Variants in PHGR1 observed in about 807,000 individuals in gnomAD.
PHGR1 encodes the protein proline, histidine and glycine-rich protein 1.
In PHGR1, 3 loss-of-function variants were observed where a neutral mutation model predicts 4.9. The observed-to-expected ratio is 0.61, with a 90% CI of 0.28 to 1.58. The LOEUF is 1.58. Among genes scored for constraint, PHGR1 ranks in the 40% most tolerant of loss-of-function variants. The pLI is 0.11. For synonymous variants in PHGR1, 32 were observed against 46.1 expected (o/e 0.69, Z 1.24); for missense variants, 81 against 118.7 (o/e 0.68, Z 1.48).
chr15:40,355,715 T>C (rs1258087624), intron 3 of PHGR1, among the ~76,000 whole-genome samples: 4 of 152,188 alleles, frequency 2.6e-5, no homozygotes, highest in African/African-American at 9.7e-5. Context: ...GTTCCTAGCA[T>C]GGCAAAGCCT....
chr15:40,354,599 C>T (rs1290473676), intron 3 of PHGR1, among the ~76,000 whole-genome samples: 1 of 152,154 alleles, frequency 6.6e-6, no homozygotes, highest in African/African-American at 2.4e-5. Flanking sequence ...CTCTCCTTTC[C>T]TCACGTCCCC....
intron 3 of PHGR1, among the ~76,000 whole-genome samples, chr15:40,355,107 C>T (rs569725123): frequency 6.6e-6 from 1 of 152,222 alleles, no homozygotes; most frequent in South Asian, 2.1e-4. Flanking sequence ...CCCCGAGTCC[C>T]CTACCACAGA....
intron 1 of PHGR1, among the ~76,000 whole-genome samples, chr15:40,352,426 T>A (rs1889218051): frequency 6.6e-6 from 1 of 152,186 alleles, no homozygotes; most frequent in Non-Finnish European, 1.5e-5. Context: ...GTATGTTCAC[T>A]GGGCCCATTC....
At chr15:40,353,834 G>A (rs117045099) in intron 2 of PHGR1, 2,221 of 182,214 alleles carry the variant, frequency 0.012, 20 homozygotes, top group Non-Finnish European at 0.019. Flanking sequence ...CCAAGTGGGA[G>A]GAGGCATGAG....
rs1555399083 is a variant in PHGR1 at position 40,353,146 on chromosome 15, T to TGCGC, written c.-26-75_-26-72dup. 9.1e-4 allele frequency: 705 copies of TGCGC among 776,082 alleles called. 10 individuals carry two copies. Among genetic ancestry groups the TGCGC allele is most frequent in the African/African-American group, 7.0e-3 (361 of 51,530 alleles). The allele number at this position is 776,082 out of a possible 1,614,324, so 48.1% of individuals were successfully genotyped here. A position where few individuals can be genotyped will look rare whatever the true frequency, so the allele number is the denominator to read the frequency against. On this transcript the variant is annotated intron_variant, in intron 1 of 3. Coordinates refer to ENST00000448599, the MANE Select transcript of PHGR1 (RefSeq NM_001145643.2). ...GTGTGTGTGTGTGTGTGTGTGTGTGTGCGCGCGCGCGCGCATCCGTGGGAG... is the reference window on the plus strand; with the variant it reads ...GTGTGTGTGTGTGTGTGTGTGTGTGTGCGCGCGCGCGCGCGCGCATCCGTGGGAG...
intron 3 of PHGR1, among the ~76,000 whole-genome samples, chr15:40,354,956 G>C (rs1415934998): frequency 3.9e-5 from 6 of 152,154 alleles, no homozygotes; most frequent in Non-Finnish European, 8.8e-5. Flanking sequence ...CATGGTCACA[G>C]GAAAGCGCCC....
chr15:40,353,612 C>G (rs1889243179), intron 2 of PHGR1: 1 of 304,892 alleles, frequency 3.3e-6, no homozygotes, highest in Non-Finnish European at 6.2e-6. Context: ...TTCTTGGGAG[C>G]TGTGCCATCG....
chr15:40,351,729 G>A (rs1454325591), intron 1 of PHGR1, among the ~76,000 whole-genome samples: 1 of 152,020 alleles, frequency 6.6e-6, no homozygotes. Context: ...GTGAGACCTT[G>A]TCTCTACAAA....
intron 3 of PHGR1, 149 bp from the exon 4 acceptor site, chr15:40,355,924 A>G (rs1278128429): frequency 2.5e-6 from 2 of 812,218 alleles, no homozygotes. Context: ...GGCACGGGAC[A>G]TGCTACCCAT....
At position 40,353,517 on chromosome 15, in the gene PHGR1, C is replaced by T. The variant is rs888705341; in HGVS notation, c.10+250C>T. 10 of 510,430 alleles carry T rather than the reference C, an allele frequency of 2.0e-5. No homozygotes were observed. The Admixed American group carries it at 2.3e-4, about 12-fold the overall frequency. The allele number at this position is 510,430 out of a possible 1,614,324, so 31.6% of individuals were successfully genotyped here. On this transcript the variant is annotated intron_variant, in intron 2 of 3. Transcript: ENST00000448599. The stretch of plus-strand genomic sequence containing the variant: ...CTTCTAAGGGTAGGTGCTTCTCCCA[C>T]CGCACACTCAAGGCCCAGGGGAGCT...
Position 40,352,092 on chromosome 15 carries a change from A to T in PHGR1, c.-27+1030A>T, listed in dbSNP as rs190511856. Among the ~76,000 whole-genome samples, 237 of 151,994 alleles carry T rather than the reference A, an allele frequency of 1.6e-3. 1 individual carries two copies. Among genetic ancestry groups the T allele is most frequent in the African/African-American group, 5.6e-3 (231 of 41,440 alleles). Reference sequence around the variant, plus strand: ...GTGGCACATACCTATAGTCCCAGCTACTCCAGAGGTTAAGGTGGGAGGATT... The same window carrying T: ...GTGGCACATACCTATAGTCCCAGCTTCTCCAGAGGTTAAGGTGGGAGGATT... On this transcript the variant is annotated intron_variant, in intron 1 of 3. Transcript: ENST00000448599.
At chr15:40,354,315 G>C (rs763093445) in intron 2 of PHGR1, 30 bp from the exon 3 acceptor site, 2 of 1,463,948 alleles carry the variant, frequency 1.4e-6, no homozygotes, top group Non-Finnish European at 1.8e-6. Flanking sequence ...GACCAAAGCT[G>C]CTTCTTTTTT....
In PHGR1 at chr15:40,353,344, T is replaced by C. The variant is rs1889238745; in HGVS notation, c.10+77T>C. The C allele has an allele frequency of 2.3e-5, 35 of 1,542,924 alleles. No individual in the cohort carries two copies. In the South Asian group the frequency reaches 3.7e-4, roughly 16 times the overall value. On this transcript the variant is annotated intron_variant, in intron 2 of 3. Coordinates refer to ENST00000448599, the MANE Select transcript of PHGR1 (RefSeq NM_001145643.2). ...GAGCGGTAAAGGCAGGGACTATCAG[T>C]CAGCCATAACTAGTGCGTGCCAAAA...
chr15:40,356,165 C>T lies in PHGR1; in HGVS notation c.111C>T (p.His37=), dbSNP rs1889294172. ...HGPGPCGPPP[H]HGPGPCGPPP... ...CAGGGCCCTGCGGGCCACCCCCCCACCATGGTCCAGGGCCCTGCGGGCCAC... is the reference window on the plus strand; with the variant it reads ...CAGGGCCCTGCGGGCCACCCCCCCATCATGGTCCAGGGCCCTGCGGGCCAC... Residue 37 remains histidine (H), a synonymous_variant, in exon 4 of 4, where the codon CAC becomes CAT. Transcript: ENST00000448599. 3 of 1,502,344 alleles carry T rather than the reference C, an allele frequency of 2.0e-6. No homozygotes were observed. The highest frequency in any genetic ancestry group is 1.8e-6 in the Non-Finnish European group (2 of 1,124,686). The allele number at this position is 1,502,344 out of a possible 1,614,324, so 93.1% of individuals were successfully genotyped here. A position where few individuals can be genotyped will look rare whatever the true frequency, so the allele number is the denominator to read the frequency against.
chr15:40,354,500 G>A (rs1162015595), intron 3 of PHGR1, 148 bp downstream of exon 3: 1 of 1,001,150 alleles, frequency 1.0e-6, no homozygotes, highest in African/African-American at 1.6e-5. Context: ...GCCCCGTGGA[G>A]TGGGGGTGGG....
intron 3 of PHGR1, among the ~76,000 whole-genome samples, chr15:40,355,279 A>G (rs571521355): frequency 6.6e-6 from 1 of 152,236 alleles, no homozygotes; most frequent in African/African-American, 2.4e-5. Flanking sequence ...ACTGAGGCAG[A>G]AAAGCTTTGA....
chr15:40,354,234 G>C, intron 2 of PHGR1, 111 bp from the exon 3 acceptor site: 1 of 1,212,024 alleles, frequency 8.3e-7, no homozygotes, highest in Non-Finnish European at 1.2e-6. Context: ...GGCCCTGTTG[G>C]GTTAGGGGTG....
At position 40,356,211 on chromosome 15, in the gene PHGR1, C is replaced by T. The variant is rs143235232; in HGVS notation, c.157C>T (p.Pro53Ser). 3.0e-3 allele frequency: 4,380 copies of T among 1,477,752 alleles called. 297 individuals are homozygous for T. The East Asian group carries it at 0.11, about 37-fold the overall frequency. 91.5% of individuals were successfully genotyped at this position (1,477,752 alleles called of 1,614,324 possible). The change falls in exon 4 of 4, where the codon CCC becomes TCC. Residue 53 changes from proline (P) to serine (S), a missense_variant. Coordinates refer to ENST00000448599, the MANE Select transcript of PHGR1 (RefSeq NM_001145643.2). ...CGPPPGHGPG[P>S]CGPPPHHGPG... The stretch of plus-strand genomic sequence containing the variant: ...GCCACCCCCTGGCCATGGCCCAGGG[C>T]CCTGCGGGCCACCCCCCCACCATGG...
chr15:40,352,714 C>T (rs1889222193), intron 1 of PHGR1, among the ~76,000 whole-genome samples: 1 of 152,206 alleles, frequency 6.6e-6, no homozygotes, highest in South Asian at 2.1e-4. Flanking sequence ...CCTAGCAAAC[C>T]ATCCTTCCCG....
Sources: gnomAD v4.1 joint callset for allele counts (sites outside exome capture counted in the v4.1 genomes callset) on GRCh38, gnomAD v4.1.1 for gene constraint, MANE v1.5 for transcripts, NCBI Gene and HGNC (gene_info 2026-07-23, HGNC 2026-07-21) for gene names.